FBXO34: variants seen among roughly 807,000 people sequenced by gnomAD.
The protein encoded by FBXO34 is F-box protein 34.
Under a neutral mutation model 24.5 loss-of-function variants are expected in FBXO34, and 12 were observed. The ratio of observed to expected loss-of-function variants is 0.49; its 90% CI spans 0.31 to 0.79. FBXO34 has a LOEUF of 0.79. FBXO34 is among the 30% of genes least tolerant of loss of function. FBXO34 has a pLI of 0.04. For synonymous variants in FBXO34, 320 were observed against 311.9 expected (o/e 1.03, Z -0.27); for missense variants, 823 against 857.7 (o/e 0.96, Z 0.51).
chr14:55,420,710 C>A, the FBXO34 span, among the ~76,000 whole-genome samples: 1 of 147,684 alleles, frequency 6.8e-6, no homozygotes, highest in Non-Finnish European at 1.5e-5. Flanking sequence ...TATTTAGTAA[C>A]AATCCTTTAC....
chr14:55,316,710 G>T (rs1048320403), intron 1 of FBXO34, among the ~76,000 whole-genome samples: 6 of 144,652 alleles, frequency 4.1e-5, no homozygotes, highest in African/African-American at 1.3e-4. Flanking sequence ...CTGGGCAACA[G>T]AGCAGGAACA....
At chr14:55,428,119 C>CTTTTTTTTTTTTTTTTTTTTTTT in the FBXO34 span, among the ~76,000 whole-genome samples, 5 of 43,332 alleles carry the variant, frequency 1.2e-4, 2 homozygotes, top group Non-Finnish European at 1.9e-4. Context: ...CATGCCTTAT[C>CTTTTTTTTTTTTTTTTTTTTTTT]TTTTTTTTTT....
At chr14:55,411,891 A>T in the FBXO34 span, 1 of 1,413,274 alleles carries the variant, frequency 7.1e-7, no homozygotes, top group Non-Finnish European at 9.6e-7. Flanking sequence ...GGCCAGGAGG[A>T]GGGGCCTGGG....
chr14:55,343,881 T>TA (rs1015133201), intron 1 of FBXO34, among the ~76,000 whole-genome samples: 4 of 152,224 alleles, frequency 2.6e-5, no homozygotes, highest in Non-Finnish European at 5.9e-5. Context: ...GTACATTTTT[T>TA]AAAAAGGAAA....
At chr14:55,429,802 AAAAAAT>A in the FBXO34 span, among the ~76,000 whole-genome samples, 1 of 151,686 alleles carries the variant, frequency 6.6e-6, no homozygotes, top group African/African-American at 2.4e-5. Flanking sequence ...AAACAACAAG[AAAAAAT>A]AAGGACACAT....
chr14:55,289,386 T>C (rs1339116405), intron 1 of FBXO34, among the ~76,000 whole-genome samples: 2 of 152,204 alleles, frequency 1.3e-5, no homozygotes. Flanking sequence ...GTTCACATGC[T>C]TCAAACACAA....
In FBXO34 at chr14:55,352,554, C is replaced by T. The variant is rs374114341; in HGVS notation, c.*28C>T. The T allele has an allele frequency of 2.2e-5, 34 of 1,550,408 alleles. No individual in the cohort carries two copies. Among genetic ancestry groups the T allele is most frequent in the African/African-American group, 1.4e-5 (1 of 72,864 alleles). On this transcript the variant is annotated 3_prime_UTR_variant, in exon 2 of 2. Coordinates refer to ENST00000313833, the MANE Select transcript of FBXO34 (RefSeq NM_017943.4). ...TCCATGTGAGAGGCAACAAAAGGAC[C>T]GGTTTCTAAAGCTGCAAAACACCTA... is the stretch of plus-strand genomic sequence containing the variant.
chr14:55,411,796 G>A, the FBXO34 span: 1 of 1,599,626 alleles, frequency 6.3e-7, no homozygotes, highest in South Asian at 1.1e-5. Flanking sequence ...CCAGCGCCCG[G>A]GCTCCCTTCC....
At chr14:55,429,519 T>C in the FBXO34 span, among the ~76,000 whole-genome samples, 1 of 151,974 alleles carries the variant, frequency 6.6e-6, no homozygotes, top group South Asian at 2.1e-4. Context: ...ATCCCAGCAC[T>C]TTGGGAGGCT....
intron 1 of FBXO34, among the ~76,000 whole-genome samples, chr14:55,294,258 T>C (rs1882046536): frequency 6.6e-6 from 1 of 152,168 alleles, no homozygotes; most frequent in South Asian, 2.1e-4. Flanking sequence ...TGTCTATTTG[T>C]TCACTGTATT....
chr14:55,405,446 G>C, the FBXO34 span, among the ~76,000 whole-genome samples: 4 of 152,120 alleles, frequency 2.6e-5, no homozygotes, highest in Non-Finnish European at 5.9e-5. Context: ...CATCATTCCT[G>C]AAAACATAAT....
At chr14:55,424,601 GT>G in the FBXO34 span, among the ~76,000 whole-genome samples, 1 of 152,140 alleles carries the variant, frequency 6.6e-6, no homozygotes, top group African/African-American at 2.4e-5. Flanking sequence ...ACATAATCAT[GT>G]TTTTCTGGGT....
downstream of FBXO34, among the ~76,000 whole-genome samples, chr14:55,371,849 C>T (rs1348307446): frequency 6.6e-6 from 1 of 152,028 alleles, no homozygotes; most frequent in Non-Finnish European, 1.5e-5. Context: ...TAGGGGTGCT[C>T]TCAAGTTTAC....
chr14:55,289,446 A>C (rs1222300771), intron 1 of FBXO34, among the ~76,000 whole-genome samples: 2 of 152,196 alleles, frequency 1.3e-5, no homozygotes, highest in African/African-American at 4.8e-5. Flanking sequence ...TCTTGGGCAC[A>C]CTTTACCCCT....
At position 55,284,512 on chromosome 14, in the gene FBXO34, CCAAA is replaced by C. The variant is rs1566540103; in HGVS notation, c.-11+12976_-11+12979del. Among the ~76,000 whole-genome samples, 472 of 86,866 alleles carry C rather than the reference CCAAA, an allele frequency of 5.4e-3. 5 individuals are homozygous for C. The highest frequency in any genetic ancestry group is 7.4e-3 in the Non-Finnish European group (309 of 41,608). The allele number at this position is 86,866 out of a possible 152,430, so 57.0% of individuals were successfully genotyped here. On this transcript the variant is annotated intron_variant, in intron 1 of 1. Transcript: ENST00000313833. Reference sequence around the variant, plus strand: ...GGGCAACAAGAGTGAACCTCTGTCTCCAAAAAAAAAAAAAAAAAAAGTGAATGAT... The same window carrying C: ...GGGCAACAAGAGTGAACCTCTGTCTCAAAAAAAAAAAAAAAAGTGAATGAT...
chr14:55,327,946 A>C (rs111648077), intron 1 of FBXO34, among the ~76,000 whole-genome samples: 670 of 42,282 alleles, frequency 0.016, 21 homozygotes, highest in African/African-American at 0.044. Flanking sequence ...TTTTTTTTGG[A>C]GACAGACTCC....
At chr14:55,281,625 A>C (rs553913002) in intron 1 of FBXO34, among the ~76,000 whole-genome samples, 2 of 152,166 alleles carry the variant, frequency 1.3e-5, no homozygotes, top group Admixed American at 1.3e-4. Flanking sequence ...TTCTCCTTTC[A>C]TTTCTCCAAA....
chr14:55,324,473 C>G (rs1182067762), intron 1 of FBXO34, among the ~76,000 whole-genome samples: 1 of 148,798 alleles, frequency 6.7e-6, no homozygotes, highest in East Asian at 2.0e-4. Context: ...TGTGGCAGTT[C>G]TTTAAGTTTT....
the FBXO34 span, among the ~76,000 whole-genome samples, chr14:55,403,471 A>G: frequency 2.0e-5 from 3 of 152,218 alleles, no homozygotes; most frequent in Non-Finnish European, 4.4e-5. Flanking sequence ...TTAGAAACAA[A>G]AATAGAAAAA....
Sources: allele counts gnomAD v4.1 joint callset (sites outside exome capture counted in the v4.1 genomes callset), GRCh38; gene constraint gnomAD v4.1.1; transcripts MANE v1.5; gene names NCBI Gene and HGNC (gene_info 2026-07-23, HGNC 2026-07-21).